The following NCOA6 variants were observed in gnomAD, a reference collection of about 807,000 sequenced individuals.
NCOA6 encodes the protein NRC RAP250.
A neutral mutation model predicts 171.4 loss-of-function variants in NCOA6; 49 were observed. That is an observed-to-expected ratio of 0.29 (90% CI 0.23 to 0.36). The LOEUF is 0.36. Among genes scored for constraint, NCOA6 ranks in the 10% least tolerant of loss-of-function variants. The pLI, the probability that NCOA6 is intolerant of heterozygous loss-of-function variation, is 1.00. For missense variants in NCOA6, 2,248 were observed against 2,554.5 expected, an observed-to-expected ratio of 0.88 and a Z score of 2.59; for synonymous variants, 910 against 927.5, an observed-to-expected ratio of 0.98 and a Z score of 0.34.
chr20:34,714,870 T>C lies in NCOA6; in HGVS notation c.*452A>G. 6.4e-6 allele frequency: 1 copy of C among 157,400 alleles called. No homozygotes were observed. 9.8% of individuals were successfully genotyped at this position (157,400 alleles called of 1,614,324 possible). On this transcript the variant is annotated 3_prime_UTR_variant, in exon 15 of 15. Coordinates refer to ENST00000359003, the MANE Select transcript of NCOA6 (RefSeq NM_014071.5). ...AAATCCTTAGATTCTCTTTATTCAC[T>C]GGTCCATTTCTACAACAAATACATC...
At chr20:34,736,784 G>C (rs760928570) in intron 11 of NCOA6, 26 bp from the exon 12 acceptor site, 6 of 1,578,166 alleles carry the variant, frequency 3.8e-6, no homozygotes, top group Admixed American at 1.8e-5. Context: ...AAAAATTACA[G>C]ACCTTTTACT....
chr20:34,743,111 G>A lies in NCOA6; in HGVS notation c.3145C>T (p.Pro1049Ser). ...GGAGGATGGACATTTTGAGAGACTG[G>A]AAGCCTAACTGATTTGGGATCCTGC... ...MQQDPKSVRL[P>S]VSQNVHPPRG... Residue 1049 changes from proline to serine, a missense_variant, in exon 11 of 15, where the codon CCA (proline) becomes TCA (serine). Pro to Ser is a moderately conservative substitution (Grantham distance 74). Coordinates refer to ENST00000359003, the MANE Select transcript of NCOA6 (RefSeq NM_014071.5). 6.2e-7 allele frequency: 1 copy of A among 1,613,602 alleles called. No individual in the cohort carries two copies. The highest frequency in any genetic ancestry group is 1.1e-5 in the South Asian group (1 of 91,038).
chr20:34,768,890 T>TTG (rs145646339), intron 4 of NCOA6, among the ~76,000 whole-genome samples: 43 of 151,590 alleles, frequency 2.8e-4, no homozygotes, highest in African/African-American at 9.9e-4. Flanking sequence ...ATCTTACCAA[T>TTG]TGTGTGTGTG....
Position 34,742,033 on chromosome 20 carries a change from A to C in NCOA6, c.4223T>G (p.Val1408Gly), listed in dbSNP as rs765246463. Residue 1408 changes from valine to glycine, a missense_variant, in exon 11 of 15, where the codon GTT becomes GGT. By Grantham distance (109) the Val-to-Gly change is moderately radical. Around this residue, in one of 7 missense-constraint regions of NCOA6, gnomAD observed 884 missense variants for 941.9 expected, o/e 0.94. Transcript: ENST00000359003. ...CTTGTTATCCTCAACAACACCCCCA[A>C]CTGCAGCCACAGACACAGTAGAATT... ...PQNSTVSVAA[V>G]GGVVEDNKES... 1.2e-6 allele frequency: 2 copies of C among 1,614,132 alleles called. No homozygotes were observed. Among genetic ancestry groups the C allele is most frequent in the Admixed American group, 1.7e-5 (1 of 60,028 alleles).
intron 2 of NCOA6, among the ~76,000 whole-genome samples, chr20:34,785,659 T>G (rs1273133671): frequency 6.6e-6 from 1 of 152,064 alleles, no homozygotes; most frequent in Non-Finnish European, 1.5e-5. Flanking sequence ...ATTCCAAAGT[T>G]GGAACAACTG....
At chr20:34,825,302 G>C (rs1450260157) in intron 1 of NCOA6, among the ~76,000 whole-genome samples, 170 bp downstream of exon 1, 1 of 151,422 alleles carries the variant, frequency 6.6e-6, no homozygotes, top group African/African-American at 2.4e-5. Flanking sequence ...AAGCGCGGCG[G>C]GCGGGGCGGC....
At chr20:34,730,847 TG>T (rs1990523774) in intron 13 of NCOA6, among the ~76,000 whole-genome samples, 1 of 151,276 alleles carries the variant, frequency 6.6e-6, no homozygotes, top group South Asian at 2.1e-4. Context: ...CCTAAGTAGC[TG>T]GGACTACAGG....
intron 12 of NCOA6, among the ~76,000 whole-genome samples, chr20:34,734,337 T>A (rs904828849): frequency 6.6e-5 from 10 of 151,676 alleles, no homozygotes; most frequent in African/African-American, 2.2e-4. Flanking sequence ...GTCCTGAGAT[T>A]ACAGGCATGA....
intron 2 of NCOA6, 66 bp downstream of exon 2, chr20:34,792,383 GA>G (rs755498905): frequency 0.14 from 43,234 of 299,062 alleles, no homozygotes; most frequent in Middle Eastern, 0.19. Flanking sequence ...GACAGTATCA[GA>G]AAAAAAAAAA....
At chr20:34,809,544 C>G (rs1489562654) in intron 1 of NCOA6, 1 of 398,270 alleles carries the variant, frequency 2.5e-6, no homozygotes, top group Non-Finnish European at 4.4e-6. Flanking sequence ...AGAAAAAGGG[C>G]AAGAGGAAGA....
chr20:34,776,474 T>C, intron 3 of NCOA6, 26 bp from the exon 4 acceptor site: 13 of 1,610,490 alleles, frequency 8.1e-6, no homozygotes, highest in Non-Finnish European at 1.1e-5. Flanking sequence ...AAAAGAATTA[T>C]ATTAATAATC....
chr20:34,758,219 A>G lies in NCOA6; in HGVS notation c.644-115T>C. 3.7e-6 allele frequency: 5 copies of G among 1,349,226 alleles called. No individual in the cohort carries two copies. In the South Asian group the frequency reaches 4.4e-5, roughly 12 times the overall value. 83.6% of individuals were successfully genotyped at this position (1,349,226 alleles called of 1,614,324 possible). ...AAAATCTGCTGGTACTATTCGATAA[A>G]ATAAATGCTTGTGAATACCTTCTAT... On this transcript the variant is annotated intron_variant, in intron 6 of 14. Transcript: ENST00000359003.
In NCOA6 at chr20:34,743,269, G is replaced by A. The variant is rs556666321; in HGVS notation, c.2987C>T (p.Pro996Leu). Residue 996 changes from proline (P) to leucine (L), a missense_variant, in exon 11 of 15, where the codon CCC becomes CTC. By Grantham distance (98) the Pro-to-Leu change is moderately conservative. Transcript: ENST00000359003. Reference protein sequence around the residue: ...MPPQLMQHVAPPPQPPQQQPQ... With the variant: ...MPPQLMQHVALPPQPPQQQPQ... ...CTGCTGCTGTGGTGGCTGTGGTGGG[G>A]GTGCCACATGCTGCATGAGTTGAGG... 8.7e-6 allele frequency: 14 copies of A among 1,613,952 alleles called. No homozygotes were observed. In the Admixed American group the frequency reaches 2.0e-4, roughly 23 times the overall value.
At chr20:34,739,075 G>T (rs764875409) in intron 11 of NCOA6, 189 of 413,966 alleles carry the variant, frequency 4.6e-4, no homozygotes, top group Non-Finnish European at 8.7e-4. Context: ...ACATGTCAGG[G>T]AAGGGAAGAA....
intron 2 of NCOA6, among the ~76,000 whole-genome samples, chr20:34,788,901 T>C (rs536858495): frequency 2.6e-5 from 4 of 152,274 alleles, no homozygotes; most frequent in South Asian, 2.1e-4. Context: ...CATAGCGCCA[T>C]TGCATTCCAG....
intron 1 of NCOA6, among the ~76,000 whole-genome samples, chr20:34,808,154 GA>G (rs559130475): frequency 5.6e-4 from 77 of 136,620 alleles, no homozygotes; most frequent in Admixed American, 4.4e-4. Flanking sequence ...GTCTCAAAAA[GA>G]AAAAAAAAAA....
chr20:34,747,425 C>G (rs1600834865), intron 9 of NCOA6, among the ~76,000 whole-genome samples: 1 of 152,136 alleles, frequency 6.6e-6, no homozygotes, highest in East Asian at 1.9e-4. Context: ...TTGAGACCAC[C>G]ACCACAAAGA....
intron 8 of NCOA6, among the ~76,000 whole-genome samples, chr20:34,751,950 T>G (rs572816361): frequency 1.3e-5 from 2 of 152,274 alleles, no homozygotes; most frequent in African/African-American, 4.8e-5. Context: ...CTCCACCTCC[T>G]GGGTTCAAGT....
chr20:34,759,062 GC>G, intron 5 of NCOA6, 129 bp from the exon 6 acceptor site: 1 of 964,464 alleles, frequency 1.0e-6, no homozygotes, highest in Non-Finnish European at 1.5e-6. Flanking sequence ...TCGCTCTGTT[GC>G]CCAGTCTGCC....
Sources: allele counts gnomAD v4.1 joint callset (sites outside exome capture counted in the v4.1 genomes callset), GRCh38; gene constraint gnomAD v4.1.1; regional missense constraint gnomAD v4.1.1; transcripts MANE v1.5; gene names NCBI Gene and HGNC (gene_info 2026-07-23, HGNC 2026-07-21).